The following SUMF1 variants were observed in gnomAD, a reference collection of about 807,000 sequenced individuals.
The protein encoded by SUMF1 is sulfatase modifying factor 1.
SUMF1 carries 48 observed loss-of-function variants against 47.6 expected under a neutral mutation model. The observed-to-expected ratio is 1.01, with a 90% CI of 0.80 to 1.28. The LOEUF is 1.28. Ranked by LOEUF, SUMF1 falls within the 50% of genes most tolerant of loss-of-function variation. The pLI is 0.00. For missense variants in SUMF1, 571 were observed against 485.4 expected (o/e 1.18, Z -1.66); for synonymous variants, 230 against 192.1 (o/e 1.20, Z -1.63).
intron 8 of SUMF1, among the ~76,000 whole-genome samples, chr3:4,318,935 A>G (rs1226437633): frequency 2.0e-5 from 3 of 152,184 alleles, no homozygotes; most frequent in Non-Finnish European, 4.4e-5. Context: ...CGTAAAAATA[A>G]TAAGACAAAT....
At chr3:4,379,627 A>G (rs1055220441) in intron 7 of SUMF1, among the ~76,000 whole-genome samples, 2 of 151,378 alleles carry the variant, frequency 1.3e-5, no homozygotes, top group African/African-American at 4.9e-5. Flanking sequence ...CAAGAGATCA[A>G]GGTCAAGAGA....
At chr3:4,048,680 G>A (rs1408226621) in intron 9 of SUMF1, among the ~76,000 whole-genome samples, 1 of 151,646 alleles carries the variant, frequency 6.6e-6, no homozygotes, top group African/African-American at 2.4e-5. Flanking sequence ...ATCTCTTTTT[G>A]CTCTACAAAA....
chr3:4,123,407 G>C (rs1163133077), intron 8 of SUMF1, among the ~76,000 whole-genome samples: 1 of 152,142 alleles, frequency 6.6e-6, no homozygotes, highest in African/African-American at 2.4e-5. Flanking sequence ...GAATGAGAGG[G>C]AGTGTCTAGA....
chr3:4,076,054 C>T (rs1692426024), intron 8 of SUMF1, among the ~76,000 whole-genome samples: 2 of 152,028 alleles, frequency 1.3e-5, no homozygotes, highest in South Asian at 4.1e-4. Flanking sequence ...GCAAAAAGAA[C>T]AAAGCTGGAG....
At chr3:4,252,419 T>C (rs572405952) in intron 8 of SUMF1, among the ~76,000 whole-genome samples, 2 of 152,044 alleles carry the variant, frequency 1.3e-5, no homozygotes, top group South Asian at 2.1e-4. Context: ...CTTGCCTACA[T>C]TGTCTATTAT....
intron 8 of SUMF1, among the ~76,000 whole-genome samples, chr3:4,119,491 C>A (rs1298847496): frequency 6.6e-6 from 1 of 152,130 alleles, no homozygotes; most frequent in Non-Finnish European, 1.5e-5. Context: ...TCCTTCATCA[C>A]CCCACCTGGT....
At chr3:4,087,470 C>T (rs1416656461) in intron 8 of SUMF1, among the ~76,000 whole-genome samples, 2 of 152,138 alleles carry the variant, frequency 1.3e-5, no homozygotes, top group Non-Finnish European at 2.9e-5. Flanking sequence ...GTCAGTCTAA[C>T]TTCAATGTCC....
At chr3:4,463,349 G>C (rs1163578903) in intron 1 of SUMF1, among the ~76,000 whole-genome samples, 1 of 152,164 alleles carries the variant, frequency 6.6e-6, no homozygotes. Flanking sequence ...AATTGGCCAG[G>C]CGTGGTGGCA....
At chr3:4,213,637 C>T (rs1695849368) in intron 8 of SUMF1, among the ~76,000 whole-genome samples, 5 of 152,076 alleles carry the variant, frequency 3.3e-5, no homozygotes, top group Admixed American at 2.6e-4. Flanking sequence ...AGAGTCAAGA[C>T]CCATCAGTGT....
At chr3:4,176,315 G>T (rs1194125760) in intron 8 of SUMF1, among the ~76,000 whole-genome samples, 1 of 152,160 alleles carries the variant, frequency 6.6e-6, no homozygotes, top group Non-Finnish European at 1.5e-5. Flanking sequence ...ACAAAGGGAA[G>T]CCCATCAGAC....
chr3:4,243,843 C>G (rs559298351), intron 8 of SUMF1, among the ~76,000 whole-genome samples: 2 of 152,248 alleles, frequency 1.3e-5, no homozygotes, highest in South Asian at 4.2e-4. Context: ...CTTGATCTGT[C>G]TAATATTGAC....
intron 8 of SUMF1, among the ~76,000 whole-genome samples, chr3:4,202,963 T>C (rs1695572924): frequency 6.6e-6 from 1 of 151,976 alleles, no homozygotes; most frequent in Admixed American, 6.6e-5. Flanking sequence ...TCCATTTTTT[T>C]TAATGTTTTA....
intron 7 of SUMF1, among the ~76,000 whole-genome samples, chr3:4,410,014 C>T (rs931153461): frequency 1.4e-4 from 22 of 152,166 alleles, no homozygotes; most frequent in South Asian, 2.1e-4. Flanking sequence ...AAATTAAGCA[C>T]ATCAAGTAAC....
chr3:4,371,399 C>T (rs1700162891), intron 8 of SUMF1, among the ~76,000 whole-genome samples: 1 of 152,192 alleles, frequency 6.6e-6, no homozygotes, highest in Non-Finnish European at 1.5e-5. Context: ...ACTTACCAGC[C>T]TTGGGGCTTC....
intron 8 of SUMF1, among the ~76,000 whole-genome samples, chr3:4,345,120 T>C (rs1445564205): frequency 1.3e-5 from 2 of 152,088 alleles, no homozygotes; most frequent in Non-Finnish European, 2.9e-5. Flanking sequence ...TTCAGGGTAT[T>C]ATCCAGGAGA....
At chr3:4,149,916 G>A (rs1260033076) in intron 8 of SUMF1, among the ~76,000 whole-genome samples, 2 of 151,996 alleles carry the variant, frequency 1.3e-5, no homozygotes, top group African/African-American at 2.4e-5. Flanking sequence ...ACCTCAATGG[G>A]TACATATTTA....
intron 8 of SUMF1, among the ~76,000 whole-genome samples, chr3:4,127,527 T>C (rs1042453924): frequency 6.6e-6 from 1 of 152,138 alleles, no homozygotes; most frequent in African/African-American, 2.4e-5. Flanking sequence ...AGCCTGCATC[T>C]TTCTCTTGTG....
At chr3:4,075,415 T>G (rs1692402476) in intron 8 of SUMF1, among the ~76,000 whole-genome samples, 1 of 152,192 alleles carries the variant, frequency 6.6e-6, no homozygotes, top group East Asian at 1.9e-4. Flanking sequence ...AAGCATTCCC[T>G]TGGAAAACTG....
intron 8 of SUMF1, among the ~76,000 whole-genome samples, chr3:4,068,912 G>C (rs1187216435): frequency 5.3e-5 from 8 of 152,088 alleles, no homozygotes; most frequent in African/African-American, 1.9e-4. Flanking sequence ...TAAGTGTCTT[G>C]CCCCAGGTCA....
Sources: gnomAD v4.1 joint callset for allele counts (sites outside exome capture counted in the v4.1 genomes callset) on GRCh38, gnomAD v4.1.1 for gene constraint, MANE v1.5 for transcripts, NCBI Gene and HGNC (gene_info 2026-07-23, HGNC 2026-07-21) for gene names.